SPRED3: variants seen among roughly 807,000 people sequenced by gnomAD.
SPRED3 encodes sprouty-related, EVH1 domain-containing protein 3.
SPRED3 carries 23 observed loss-of-function variants against 37.6 expected under a neutral mutation model. The observed-to-expected ratio is 0.61, with a 90% CI of 0.44 to 0.87. The LOEUF is 0.87. SPRED3 is among the 40% of genes least tolerant of loss of function. SPRED3 has a pLI of 0.00. For missense variants in SPRED3, 584 were observed against 618.6 expected (o/e 0.94, Z 0.59); for synonymous variants, 302 against 279.6 (o/e 1.08, Z -0.80).
chr19:38,390,363 G>T lies in SPRED3; in HGVS notation c.61G>T (p.Val21Leu). ...TGACTCCAGTGGGGGCTGGCTGCCT[G>T]TGGGGGGCGGGGGCCTCAGCCAGGT... ...RDDSSGGWLP[V>L]GGGGLSQVSV... Residue 21 changes from valine to leucine, a missense_variant, in exon 2 of 6, where the codon GTG (valine) becomes TTG (leucine). Physicochemically the swap from Val to Leu is conservative, Grantham distance 32. This residue lies in a region of SPRED3 where 20 missense variants were observed against 39.0 expected (regional missense o/e 0.51). Coordinates refer to ENST00000691638, the MANE Select transcript of SPRED3 (RefSeq NM_001394336.1). The T allele has an allele frequency of 7.2e-7, 1 of 1,386,670 alleles. No homozygotes were observed. 85.9% of individuals were successfully genotyped at this position (1,386,670 alleles called of 1,614,324 possible).
rs772785914 is a variant in SPRED3, at chr19:38,390,400, G to A, written c.98G>A (p.Arg33Gln). The A allele has an allele frequency of 1.1e-5, 15 of 1,392,146 alleles. No homozygotes were observed. Among genetic ancestry groups the A allele is most frequent in the East Asian group, 5.6e-5 (2 of 35,918 alleles). 86.2% of individuals were successfully genotyped at this position (1,392,146 alleles called of 1,614,324 possible). The change falls in exon 2 of 6, where the codon CGG becomes CAG. Residue 33 changes from arginine to glutamine, a missense_variant. By Grantham distance (43) the Arg-to-Gln change is conservative (BLOSUM62 1). Coordinates refer to ENST00000691638, the MANE Select transcript of SPRED3 (RefSeq NM_001394336.1). ...GGGLSQVSVCRVRGARPEGGA... is the reference protein window; with the variant it reads ...GGGLSQVSVCQVRGARPEGGA... ...GGCCTCAGCCAGGTGAGCGTGTGTC[G>A]GGTCCGAGGGGCCAGGCCCGAGGGG...
Position 38,392,104 on chromosome 19 carries a change from A to C in SPRED3, c.336A>C (p.Ala112=), listed in dbSNP as rs766830949. 1 of 1,614,180 alleles carries C rather than the reference A, an allele frequency of 6.2e-7. No homozygotes were observed. Among genetic ancestry groups the C allele is most frequent in the South Asian group, 1.1e-5 (1 of 91,090 alleles). The stretch of plus-strand genomic sequence containing the variant: ...AGAGCCTGCTGGCTGCGCTGGCCGC[A>C]CTGGGTCGAGGTGAGCAGCCCAGGT... ...FQKSLLAALA[A]LGRGSLTPSS... is the part of the protein sequence containing the mutation. The change falls in exon 3 of 6, where the codon GCA becomes GCC. Residue 112 remains alanine (A), a synonymous_variant. Transcript: ENST00000691638.
intron 4 of SPRED3, among the ~76,000 whole-genome samples, chr19:38,393,410 C>T (rs939420111): frequency 2.1e-5 from 3 of 146,012 alleles, no homozygotes; most frequent in Non-Finnish European, 4.5e-5. Context: ...TGCAGGGGCA[C>T]GATCTTGGCT....
chr19:38,389,205 A>G (rs1970790950), intron 1 of SPRED3, among the ~76,000 whole-genome samples: 1 of 152,116 alleles, frequency 6.6e-6, no homozygotes, highest in Non-Finnish European at 1.5e-5. Context: ...GCGGGCGGAC[A>G]AAGGAAGCAG....
rs1281168682 is a variant in SPRED3 at position 38,396,692 on chromosome 19, G to A, written c.*547G>A. On this transcript the variant is annotated 3_prime_UTR_variant, in exon 6 of 6. Transcript: ENST00000691638. ...CCCCCACATCTGAGACATTCTCATAGTCCCAGGACCCCTGAGACAGCAGGA... is the reference window on the plus strand; with the variant it reads ...CCCCCACATCTGAGACATTCTCATAATCCCAGGACCCCTGAGACAGCAGGA... 1 of 151,998 alleles carries A rather than the reference G, an allele frequency of 6.6e-6. No individual in the cohort carries two copies. Among genetic ancestry groups the A allele is most frequent in the Non-Finnish European group, 1.5e-5 (1 of 68,046 alleles). The allele number at this position is 151,998 out of a possible 1,614,324, so 9.4% of individuals were successfully genotyped here.
At chr19:38,392,379 A>G in intron 4 of SPRED3, 91 bp downstream of exon 4, 1 of 1,339,120 alleles carries the variant, frequency 7.5e-7, no homozygotes, top group Non-Finnish European at 9.9e-7. Context: ...TGTAGCAGGC[A>G]CCATGCCACA....
Position 38,399,299 on chromosome 19 carries a change from G to A in SPRED3, c.*3154G>A, listed in dbSNP as rs942306295. The stretch of plus-strand genomic sequence containing the variant: ...TCCCCTTCATTGCCCCCAAATCAGG[G>A]GTACATGGAGGGCCGCCCTGGGAGC... On this transcript the variant is annotated 3_prime_UTR_variant, in exon 6 of 6. Transcript: ENST00000691638. 5 of 152,258 alleles carry A rather than the reference G, an allele frequency of 3.3e-5. No homozygotes were observed. Among genetic ancestry groups the A allele is most frequent in the Admixed American group, 2.6e-4 (4 of 15,272 alleles). The allele number at this position is 152,258 out of a possible 1,614,324, so 9.4% of individuals were successfully genotyped here.
chr19:38,394,450 C>A, intron 4 of SPRED3, 193 bp from the exon 5 acceptor site: 2 of 1,496,986 alleles, frequency 1.3e-6, no homozygotes, highest in Non-Finnish European at 1.9e-6. Flanking sequence ...CCCCGTTTTA[C>A]AGAGGAGGAA....
In SPRED3 at chr19:38,395,604, C is replaced by T. The variant is rs1403305297; in HGVS notation, c.692C>T (p.Pro231Leu). 1.9e-6 allele frequency: 3 copies of T among 1,552,370 alleles called. No individual in the cohort carries two copies. The highest frequency in any genetic ancestry group is 2.6e-6 in the Non-Finnish European group (3 of 1,155,048). ...TACCGGCGCTCCGGGCCACCCGCGC[C>T]CCTCGCCCTGTCCACCTGCGTCGTG... ...EDYRRSGPPA[P>L]LALSTCVVRF... Residue 231 changes from proline to leucine, a missense_variant, in exon 6 of 6, where the codon CCC (proline) becomes CTC (leucine). Pro to Leu is a moderately conservative substitution (Grantham distance 98). Around this residue, in one of 7 missense-constraint regions of SPRED3, gnomAD observed 310 missense variants for 281.1 expected, o/e 1.10. Coordinates refer to ENST00000691638, the MANE Select transcript of SPRED3 (RefSeq NM_001394336.1). This position sits in a 1 kb window ranked among gnomAD's most constrained non-coding sequence, Gnocchi z 5.2.
rs1345618796 is a variant in SPRED3, at chr19:38,397,733, C to T, written c.*1588C>T. The T allele has an allele frequency of 6.6e-6, 1 of 152,084 alleles. No individual in the cohort carries two copies. The highest frequency in any genetic ancestry group is 2.4e-5 in the African/African-American group (1 of 41,362). The allele number at this position is 152,084 out of a possible 1,614,324, so 9.4% of individuals were successfully genotyped here. A position where few individuals can be genotyped will look rare whatever the true frequency, so the allele number is the denominator to read the frequency against. On this transcript the variant is annotated 3_prime_UTR_variant, in exon 6 of 6. Coordinates refer to ENST00000691638, the MANE Select transcript of SPRED3 (RefSeq NM_001394336.1). ...GCCCCCAGCAATCCTCAGAATTACCCCTTTATCTTAGGGTGGGATCCCTAC... is the reference window on the plus strand; with the variant it reads ...GCCCCCAGCAATCCTCAGAATTACCTCTTTATCTTAGGGTGGGATCCCTAC...
intron 4 of SPRED3, among the ~76,000 whole-genome samples, chr19:38,393,061 A>G (rs1970852308): frequency 6.6e-6 from 1 of 152,016 alleles, no homozygotes; most frequent in Non-Finnish European, 1.5e-5. Flanking sequence ...CTTCGGCCAC[A>G]TGGCCTCTTC....
chr19:38,392,884 C>T (rs1159746932), intron 4 of SPRED3, among the ~76,000 whole-genome samples: 3 of 152,230 alleles, frequency 2.0e-5, no homozygotes, highest in African/African-American at 7.2e-5. Flanking sequence ...CCTGCCCCCA[C>T]ACATAGCCAG....
intron 1 of SPRED3, 125 bp from the exon 2 acceptor site, chr19:38,390,174 T>A: frequency 2.1e-6 from 2 of 930,856 alleles, no homozygotes; most frequent in Non-Finnish European, 2.9e-6. Context: ...TAGCTTAGGG[T>A]GCAGTGGACC....
At chr19:38,389,558 C>T (rs1970798494) in intron 1 of SPRED3, 1 of 152,376 alleles carries the variant, frequency 6.6e-6, no homozygotes, top group Non-Finnish European at 1.5e-5. Context: ...TCCCCCCTGG[C>T]TTCCCTCGGC....
intron 4 of SPRED3, 36 bp from the exon 5 acceptor site, chr19:38,394,607 G>A (rs1225106527): frequency 3.8e-6 from 6 of 1,568,886 alleles, no homozygotes; most frequent in South Asian, 1.2e-5. Context: ...CTGTGCGGGG[G>A]CGTGTCCCCG....
rs747969060 is a variant in SPRED3 at position 38,395,867 on chromosome 19, C to G, written c.955C>G (p.Pro319Ala). 3 of 1,491,848 alleles carry G rather than the reference C, an allele frequency of 2.0e-6. No homozygotes were observed. The highest frequency in any genetic ancestry group is 2.7e-6 in the Non-Finnish European group (3 of 1,128,708). The allele number at this position is 1,491,848 out of a possible 1,614,324, so 92.4% of individuals were successfully genotyped here. A position where few individuals can be genotyped will look rare whatever the true frequency, so the allele number is the denominator to read the frequency against. The change falls in exon 6 of 6, where the codon CCG becomes GCG. Residue 319 changes from proline to alanine, a missense_variant. Physicochemically the swap from Pro to Ala is conservative, Grantham distance 27 (BLOSUM62 -1). Transcript: ENST00000691638. This position sits in a 1 kb window ranked among gnomAD's most constrained non-coding sequence, Gnocchi z 5.2. ...DGRGGRCAEA[P>A]DPGRLLVRRL... ...GCGTGGCGGCCGCTGCGCAGAGGCC[C>G]CGGACCCGGGTCGCCTCCTGGTGCG...
rs867741285 is a variant in SPRED3 at position 38,395,918 on chromosome 19, G to C, written c.1006G>C (p.Glu336Gln). The C allele has an allele frequency of 6.6e-7, 1 of 1,511,658 alleles. No individual in the cohort carries two copies. Among genetic ancestry groups the C allele is most frequent in the Non-Finnish European group, 8.8e-7 (1 of 1,139,258 alleles). 93.6% of individuals were successfully genotyped at this position (1,511,658 alleles called of 1,614,324 possible). The change falls in exon 6 of 6, where the codon GAG becomes CAG. Residue 336 changes from glutamate to glutamine, a missense_variant. Coordinates refer to ENST00000691638, the MANE Select transcript of SPRED3 (RefSeq NM_001394336.1). This position sits in a 1 kb window ranked among gnomAD's most constrained non-coding sequence, Gnocchi z 5.2. ...VRRLSCLWCA[E>Q]SLLYHCLSDA... ...CCGTCTAAGCTGCCTGTGGTGCGCC[G>C]AGAGCTTGCTCTACCACTGCCTGTC...
Position 38,395,071 on chromosome 19 carries a change from T to A in SPRED3, c.567+285T>A, listed in dbSNP as rs189683092. Among the ~76,000 whole-genome samples the A allele has an allele frequency of 7.4e-4, 112 of 152,176 alleles. No homozygotes were observed. In the East Asian group the frequency reaches 0.011, roughly 15 times the overall value. On this transcript the variant is annotated intron_variant, in intron 5 of 5. Coordinates refer to ENST00000691638, the MANE Select transcript of SPRED3 (RefSeq NM_001394336.1). This position sits in a 1 kb window ranked among gnomAD's most constrained non-coding sequence, Gnocchi z 5.2. Reference sequence around the variant, plus strand: ...TTTAGGACCATTTTCAGAGTGTATATTTGGGGAACTCCTGGAAGAGGACTG... The same window carrying A: ...TTTAGGACCATTTTCAGAGTGTATAATTGGGGAACTCCTGGAAGAGGACTG...
In SPRED3 at chr19:38,392,223, C is replaced by CCCTCCT. The variant is rs151129136; in HGVS notation, c.378_383dup (p.Ser127_Ser128dup). ...TCTCCCTGCCCCAGGCTCACTCACC[C>CCCTCCT]CCTCCTCCTCCTCCTCCTCCTCCTC... On this transcript the variant is annotated inframe_insertion, in exon 4 of 6. Coordinates refer to ENST00000691638, the MANE Select transcript of SPRED3 (RefSeq NM_001394336.1). The CCCTCCT allele has an allele frequency of 5.1e-6, 8 of 1,570,208 alleles. No individual in the cohort carries two copies. Among genetic ancestry groups the CCCTCCT allele is most frequent in the Admixed American group, 1.8e-5 (1 of 56,698 alleles).
Sources: gnomAD v4.1 joint callset for allele counts (sites outside exome capture counted in the v4.1 genomes callset) on GRCh38, gnomAD v4.1.1 for gene constraint, gnomAD v4.1.1 regional missense constraint, Gnocchi (gnomAD v3.1) non-coding constraint, MANE v1.5 for transcripts, NCBI Gene and HGNC (gene_info 2026-07-23, HGNC 2026-07-21) for gene names.